ODAD3: variants seen among roughly 807,000 people sequenced by gnomAD.
ODAD3 encodes the protein outer dynein arm-docking complex subunit 3.
ODAD3 carries 57 observed loss-of-function variants against 70.9 expected under a neutral mutation model. The ratio of observed to expected loss-of-function variants is 0.80; its 90% CI spans 0.65 to 1.00. The LOEUF is 1.00. Ranked by LOEUF, ODAD3 falls within the 50% of genes least tolerant of loss-of-function variation. ODAD3 has a pLI of 0.00. For missense variants in ODAD3, 797 were observed against 763.9 expected, an observed-to-expected ratio of 1.04 and a Z score of -0.51; for synonymous variants, 327 against 315.9, an observed-to-expected ratio of 1.04 and a Z score of -0.37.
chr19:11,425,402 TATATATAC>T (rs1390016516), intron 7 of ODAD3, among the ~76,000 whole-genome samples: 8 of 137,846 alleles, frequency 5.8e-5, no homozygotes, highest in African/African-American at 2.5e-4. Flanking sequence ...TGTGTATATG[TATATATAC>T]ATATATGTGT....
At chr19:11,434,671 G>T in intron 1 of ODAD3, 102 bp downstream of exon 1, 1 of 1,442,796 alleles carries the variant, frequency 6.9e-7, no homozygotes, top group Non-Finnish European at 9.3e-7. Flanking sequence ...GCCCAGAAAC[G>T]GTTTACCTAG....
rs1969126414 is a variant in ODAD3 at position 11,421,230 on chromosome 19, G to A, written c.1591-18C>T. ...GCGAGGAACTAAGCGGGGATGGGAA[G>A]CGAGAGAGGAAGGTGGGCGGGGCCA... On this transcript the variant is annotated intron_variant, in intron 11 of 12. Coordinates refer to ENST00000356392, the MANE Select transcript of ODAD3 (RefSeq NM_145045.5). 1 of 1,608,056 alleles carries A rather than the reference G, an allele frequency of 6.2e-7. No individual in the cohort carries two copies. Among genetic ancestry groups the A allele is most frequent in the Non-Finnish European group, 8.5e-7 (1 of 1,177,222 alleles).
chr19:11,425,371 A>ATATGTGTG (rs1344782029), intron 7 of ODAD3, among the ~76,000 whole-genome samples: 1 of 132,874 alleles, frequency 7.5e-6, no homozygotes, highest in Admixed American at 7.3e-5. Flanking sequence ...ACATATGTGT[A>ATATGTGTG]TATATGTGTG....
intron 7 of ODAD3, among the ~76,000 whole-genome samples, chr19:11,424,597 A>ATG (rs34696045): frequency 0.018 from 1,979 of 112,416 alleles, 114 homozygotes; most frequent in African/African-American, 0.058. Context: ...ATGTGTATAA[A>ATG]TATATATGTG....
intron 7 of ODAD3, among the ~76,000 whole-genome samples, chr19:11,424,475 C>G (rs527688637): frequency 6.8e-6 from 1 of 146,308 alleles, no homozygotes; most frequent in South Asian, 2.1e-4. Flanking sequence ...CGACAGAGAC[C>G]GTGTCTCAAA....
intron 1 of ODAD3, 174 bp downstream of exon 1, chr19:11,434,599 C>T (rs561658515): frequency 6.8e-6 from 5 of 737,336 alleles, no homozygotes; most frequent in South Asian, 5.9e-5. Flanking sequence ...TCAGTCGGTT[C>T]TGAACCCATG....
chr19:11,421,214 T>C lies in ODAD3; in HGVS notation c.1591-2A>G. ...CCTTCCCTCTAAGCTGGCGAGGAACTAAGCGGGGATGGGAAGCGAGAGAGG... is the reference window on the plus strand; with the variant it reads ...CCTTCCCTCTAAGCTGGCGAGGAACCAAGCGGGGATGGGAAGCGAGAGAGG... On this transcript the variant is annotated splice_acceptor_variant, in intron 11 of 12. Coordinates refer to ENST00000356392, the MANE Select transcript of ODAD3 (RefSeq NM_145045.5). LOFTEE classifies it high-confidence loss of function. 1 of 1,611,824 alleles carries C rather than the reference T, an allele frequency of 6.2e-7. No individual in the cohort carries two copies. Among genetic ancestry groups the C allele is most frequent in the Non-Finnish European group, 8.5e-7 (1 of 1,179,174 alleles).
chr19:11,425,681 C>A (rs1233591848), intron 7 of ODAD3, among the ~76,000 whole-genome samples: 8 of 126,140 alleles, frequency 6.3e-5, no homozygotes, highest in East Asian at 4.1e-4. Context: ...GCAAAAAAAA[C>A]CTATCAAACA....
upstream of ODAD3, chr19:11,435,239 C>A: frequency 7.2e-7 from 1 of 1,388,120 alleles, no homozygotes; most frequent in Non-Finnish European, 9.4e-7. Flanking sequence ...ACACTGCGTT[C>A]TCATTGGCTG....
At position 11,422,605 on chromosome 19, in the gene ODAD3, C is replaced by T; in HGVS notation, c.1300G>A (p.Ala434Thr). The T allele has an allele frequency of 6.3e-7, 1 of 1,597,768 alleles. No homozygotes were observed. Among genetic ancestry groups the T allele is most frequent in the African/African-American group, 1.3e-5 (1 of 74,870 alleles). Residue 434 changes from alanine (A) to threonine (T), a missense_variant, in exon 10 of 13, where the codon GCG becomes ACG. Physicochemically the swap from Ala to Thr is moderately conservative, Grantham distance 58 (BLOSUM62 0). Transcript: ENST00000356392. This position sits in a 1 kb window ranked among gnomAD's most constrained non-coding sequence, Gnocchi z 4.6. ...LVSQQKLQAEAQERLKKEERR... is the reference protein window; with the variant it reads ...LVSQQKLQAETQERLKKEERR... ...TCCTCCTTCTTGAGACGCTCCTGCG[C>T]CTCGGCTTGCAGTTTCTGCTGGCTG...
intron 7 of ODAD3, among the ~76,000 whole-genome samples, chr19:11,425,438 T>C (rs1969323782): frequency 7.1e-6 from 1 of 141,298 alleles, no homozygotes; most frequent in African/African-American, 2.8e-5. Context: ...CATATGTGTA[T>C]ATGTATATAT....
At chr19:11,426,416 C>T in intron 6 of ODAD3, 30 bp downstream of exon 6, 1 of 1,613,580 alleles carries the variant, frequency 6.2e-7, no homozygotes, top group Non-Finnish European at 8.5e-7. Context: ...GGCAGCTGGG[C>T]AGGATGGCCG....
chr19:11,426,631 C>G, intron 5 of ODAD3, 52 bp downstream of exon 5: 1 of 1,613,404 alleles, frequency 6.2e-7, no homozygotes. Flanking sequence ...CTGTCCCTAG[C>G]CAAGCCCGCC....
At position 11,426,351 on chromosome 19, in the gene ODAD3, G is replaced by A. The variant is rs1423544433; in HGVS notation, c.841-85C>T. 7.7e-5 allele frequency: 124 copies of A among 1,607,170 alleles called. 1 individual carries two copies. In the East Asian group the frequency reaches 2.7e-3, roughly 36 times the overall value. ...GTGCTGGGAGATAGATGGGGGCGGG[G>A]GCGTAGGGGAAGCTCAGGGACAGCT... On this transcript the variant is annotated intron_variant, in intron 6 of 12. Coordinates refer to ENST00000356392, the MANE Select transcript of ODAD3 (RefSeq NM_145045.5).
rs1381214742 is a variant in ODAD3 at position 11,426,760 on chromosome 19, G to A, written c.637C>T (p.Leu213=). Residue 213 remains leucine, a synonymous_variant, in exon 5 of 13, where the codon CTG becomes TTG. Coordinates refer to ENST00000356392, the MANE Select transcript of ODAD3 (RefSeq NM_145045.5). The part of the protein sequence containing the change: ...AKTMRNLENR[L]EKAQMKAQEA... Reference sequence around the variant, plus strand: ...TGCGCCTTCATCTGGGCCTTCTCCAGGCGGTTCTCCAGGTTCCGCATGGTC... The same window carrying A: ...TGCGCCTTCATCTGGGCCTTCTCCAAGCGGTTCTCCAGGTTCCGCATGGTC... The A allele has an allele frequency of 3.7e-6, 6 of 1,613,828 alleles. No homozygotes were observed. The highest frequency in any genetic ancestry group is 2.7e-5 in the African/African-American group (2 of 74,902).
rs920118398 is a variant in ODAD3, at chr19:11,425,635, A to G, written c.963+509T>C. Among the ~76,000 whole-genome samples, 10 of 139,166 alleles carry G rather than the reference A, an allele frequency of 7.2e-5. 2 individuals are homozygous for G. The highest frequency in any genetic ancestry group is 2.4e-4 in the African/African-American group (8 of 33,298). The allele number at this position is 139,166 out of a possible 152,430, so 91.3% of individuals were successfully genotyped here. A position where few individuals can be genotyped will look rare whatever the true frequency, so the allele number is the denominator to read the frequency against. On this transcript the variant is annotated intron_variant, in intron 7 of 12. Coordinates refer to ENST00000356392, the MANE Select transcript of ODAD3 (RefSeq NM_145045.5). The stretch of plus-strand genomic sequence containing the variant: ...TATATATGCATATATGCATATATGT[A>G]TATATATGTATATACGTATATATAT...
At chr19:11,425,243 G>GTA (rs1555722340) in intron 7 of ODAD3, among the ~76,000 whole-genome samples, 1 of 127,026 alleles carries the variant, frequency 7.9e-6, no homozygotes, top group East Asian at 2.3e-4. Flanking sequence ...GTACATATGT[G>GTA]TATATATGTA....
intron 3 of ODAD3, 126 bp from the exon 4 acceptor site, chr19:11,427,166 C>T: frequency 8.9e-6 from 9 of 1,011,924 alleles, no homozygotes; most frequent in Non-Finnish European, 1.3e-5. Flanking sequence ...TTCTACCCAC[C>T]TCCCTGGCCA....
intron 7 of ODAD3, among the ~76,000 whole-genome samples, chr19:11,425,477 ATGTG>A (rs1410186279): frequency 1.4e-5 from 2 of 140,416 alleles, no homozygotes; most frequent in South Asian, 2.1e-4. Context: ...ATATGTATAT[ATGTG>A]TGTATATATG....
Sources: gnomAD v4.1 joint callset for allele counts (sites outside exome capture counted in the v4.1 genomes callset) on GRCh38, gnomAD v4.1.1 for gene constraint, Gnocchi (gnomAD v3.1) non-coding constraint, MANE v1.5 for transcripts, NCBI Gene and HGNC (gene_info 2026-07-23, HGNC 2026-07-21) for gene names.